Variants in C11orf91 observed in about 807,000 individuals in gnomAD.
C11orf91 encodes uncharacterized protein C11orf91.
In C11orf91, 10 loss-of-function variants were observed where a neutral mutation model predicts 14.3. The ratio of observed to expected loss-of-function variants is 0.70; its 90% CI spans 0.43 to 1.18. The LOEUF (loss-of-function observed/expected upper bound fraction) is 1.18. Ranked by LOEUF, C11orf91 falls within the 50% of genes most tolerant of loss-of-function variation. The pLI, the probability that C11orf91 is intolerant of heterozygous loss-of-function variation, is 0.00. For missense variants in C11orf91, 236 were observed against 269.0 expected (o/e 0.88, Z 0.86); for synonymous variants, 141 against 130.6 (o/e 1.08, Z -0.54).
At chr11:33,702,691 G>A, upstream of C11orf91, 1 of 350,634 alleles carries the variant, frequency 2.9e-6, no homozygotes. Context: ...TTTGTCTTCT[G>A]TTAATCTGTC....
chr11:33,699,370 G>A (rs575792763), intron 1 of C11orf91, among the ~76,000 whole-genome samples: 1 of 152,110 alleles, frequency 6.6e-6, no homozygotes, highest in East Asian at 1.9e-4. Context: ...CGTTATATAC[G>A]ATAGTTGGAA....
chr11:33,700,226 C>T lies in C11orf91; in HGVS notation c.496+19G>A. On this transcript the variant is annotated intron_variant, in intron 1 of 1. Coordinates refer to ENST00000379011, the MANE Select transcript of C11orf91 (RefSeq NM_001166692.2). ...GGCAGGCTAAGGCTGGGCTCGGTGG[C>T]CCTGGCGAGGTCACGCACAGCTCTG... 6.6e-7 allele frequency: 1 copy of T among 1,526,054 alleles called. No homozygotes were observed. The highest frequency in any genetic ancestry group is 8.8e-7 in the Non-Finnish European group (1 of 1,141,274). 94.5% of individuals were successfully genotyped at this position (1,526,054 alleles called of 1,614,324 possible). A position where few individuals can be genotyped will look rare whatever the true frequency, so the allele number is the denominator to read the frequency against.
At chr11:33,699,627 A>AC (rs1341892817) in intron 1 of C11orf91, 1 of 455,956 alleles carries the variant, frequency 2.2e-6, no homozygotes, top group Non-Finnish European at 4.4e-6. Flanking sequence ...AAGACTTCAG[A>AC]CGTAAGACCA....
rs922594229 is a variant in C11orf91 at position 33,700,475 on chromosome 11, G to A, written c.266C>T (p.Pro89Leu). The A allele has an allele frequency of 7.0e-7, 1 of 1,423,384 alleles. No homozygotes were observed. Among genetic ancestry groups the A allele is most frequent in the Non-Finnish European group, 9.1e-7 (1 of 1,098,852 alleles). The allele number at this position is 1,423,384 out of a possible 1,614,324, so 88.2% of individuals were successfully genotyped here. A position where few individuals can be genotyped will look rare whatever the true frequency, so the allele number is the denominator to read the frequency against. Residue 89 changes from proline to leucine, a missense_variant, in exon 1 of 2, where the codon CCC becomes CTC. Pro to Leu is a moderately conservative substitution (Grantham distance 98, BLOSUM62 -3). Transcript: ENST00000379011. ...GCCGGAGGGCCAGGGCGAGGGCCAG[G>A]GGCGCTCGCTGGAGGGACCCAGGCC... is the stretch of plus-strand genomic sequence containing the variant. ...PPGLGPSSER[P>L]WPSPWPSGLA...
At chr11:33,702,739 TAA>T (rs1209976197), upstream of C11orf91, 1 of 386,732 alleles carries the variant, frequency 2.6e-6, no homozygotes, top group Admixed American at 3.2e-5. Flanking sequence ...GCTCTGAACC[TAA>T]GAGATTAGAA....
Position 33,700,317 on chromosome 11 carries a change from A to T in C11orf91, c.424T>A (p.Cys142Ser), listed in dbSNP as rs1048810232. 6.5e-6 allele frequency: 10 copies of T among 1,535,244 alleles called. No homozygotes were observed. In the Admixed American group the frequency reaches 2.0e-4, roughly 30 times the overall value. The change falls in exon 1 of 2, where the codon TGC becomes AGC. Residue 142 changes from cysteine to serine, a missense_variant. Transcript: ENST00000379011. ...TCCTTAATCCGGATCTCCAGCTCGC[A>T]GAGCTCCTCCGGGTGGGAGGCAGAG... ...LASASHPEEL[C>S]ELEIRIKELE...
At chr11:33,698,918 T>C (rs1853074154) in intron 1 of C11orf91, among the ~76,000 whole-genome samples, 1 of 151,534 alleles carries the variant, frequency 6.6e-6, no homozygotes, top group African/African-American at 2.4e-5. Context: ...GTAGATGAGA[T>C]TACAAATGTG....
At chr11:33,704,945 G>C (rs149287724), upstream of C11orf91, 31 of 152,552 alleles carry the variant, frequency 2.0e-4, no homozygotes, top group East Asian at 5.8e-3. Context: ...GGACTTGGGG[G>C]TGCAGGCATT....
upstream of C11orf91, chr11:33,704,856 T>C: frequency 6.6e-6 from 1 of 152,606 alleles, no homozygotes; most frequent in Admixed American, 6.5e-5. Context: ...TGTGCCACAA[T>C]TTAAGGACCA....
chr11:33,703,696 C>G (rs1853190459), upstream of C11orf91: 1 of 152,146 alleles, frequency 6.6e-6, no homozygotes, highest in South Asian at 2.1e-4. Context: ...AGGCAGAGAG[C>G]CTTTACTGTC....
At chr11:33,702,670 G>T, upstream of C11orf91, 1 of 318,804 alleles carries the variant, frequency 3.1e-6, no homozygotes. Context: ...CCATGTACCT[G>T]CGTAATAAAC....
chr11:33,700,630 G>A lies in C11orf91; in HGVS notation c.111C>T (p.Ser37=). 6.8e-7 allele frequency: 1 copy of A among 1,474,720 alleles called. No homozygotes were observed. Among genetic ancestry groups the A allele is most frequent in the South Asian group, 1.3e-5 (1 of 77,208 alleles). 91.4% of individuals were successfully genotyped at this position (1,474,720 alleles called of 1,614,324 possible). A position where few individuals can be genotyped will look rare whatever the true frequency, so the allele number is the denominator to read the frequency against. The part of the protein sequence containing the change: ...YDRGISSSPL[S]DFNIWKKLFV... ...AGAGCTTCTTCCAGATGTTGAAGTCGCTGAGCGGGGACGAGGAGATGCCGC... is the reference window on the plus strand; with the variant it reads ...AGAGCTTCTTCCAGATGTTGAAGTCACTGAGCGGGGACGAGGAGATGCCGC... The change falls in exon 1 of 2, where the codon AGC becomes AGT. Residue 37 remains serine (S), a synonymous_variant. Coordinates refer to ENST00000379011, the MANE Select transcript of C11orf91 (RefSeq NM_001166692.2).
upstream of C11orf91, chr11:33,704,574 G>C (rs1164237629): frequency 6.6e-6 from 1 of 152,174 alleles, no homozygotes; most frequent in Non-Finnish European, 1.5e-5. Context: ...CCAGGCACTT[G>C]TCTTAACTCA....
At chr11:33,702,873 C>T, upstream of C11orf91, 1 of 167,102 alleles carries the variant, frequency 6.0e-6, no homozygotes, top group Non-Finnish European at 1.3e-5. Context: ...CCTTTCTCAA[C>T]CTCATTTTTT....
upstream of C11orf91, chr11:33,700,913 T>C (rs940352119): frequency 6.0e-6 from 3 of 499,208 alleles, no homozygotes; most frequent in Non-Finnish European, 8.6e-6. Context: ...GACGACCACG[T>C]CCCGGAACGC....
upstream of C11orf91, chr11:33,704,391 G>A (rs1347227457): frequency 1.3e-5 from 2 of 152,140 alleles, no homozygotes; most frequent in Non-Finnish European, 2.9e-5. Context: ...GTTACACATG[G>A]ATTCCTTGAT....
At position 33,700,797 on chromosome 11, in the gene C11orf91, C is replaced by A. The variant is rs1286634539; in HGVS notation, c.-57G>T. 1 of 1,255,192 alleles carries A rather than the reference C, an allele frequency of 8.0e-7. No homozygotes were observed. The allele number at this position is 1,255,192 out of a possible 1,614,324, so 77.8% of individuals were successfully genotyped here. A position where few individuals can be genotyped will look rare whatever the true frequency, so the allele number is the denominator to read the frequency against. ...CCGCGCCGGGAGACGCGCGCTCAGG[C>A]CCCGAGTCGCCGGGGTTTCGAGGTT... On this transcript the variant is annotated 5_prime_UTR_variant, in exon 1 of 2. Coordinates refer to ENST00000379011, the MANE Select transcript of C11orf91 (RefSeq NM_001166692.2).
chr11:33,704,676 G>A (rs1546727), upstream of C11orf91: 34,736 of 152,078 alleles, frequency 0.23, 4,699 homozygotes, highest in Middle Eastern at 0.32. Flanking sequence ...CCTGAGGGTC[G>A]CCGATTAGCA....
chr11:33,706,210 T>C, the C11orf91 span: 2 of 152,084 alleles, frequency 1.3e-5, no homozygotes, highest in East Asian at 3.9e-4. Context: ...ACCTAGAAAT[T>C]AAGGTACTGT....
Sources: gnomAD v4.1 joint callset for allele counts (sites outside exome capture counted in the v4.1 genomes callset) on GRCh38, gnomAD v4.1.1 for gene constraint, MANE v1.5 for transcripts, NCBI Gene and HGNC (gene_info 2026-07-23, HGNC 2026-07-21) for gene names.